The following PUM1 variants were observed in gnomAD, a reference collection of about 807,000 sequenced individuals.
The protein encoded by PUM1 is pumilio RNA binding family member 1.
Under a neutral mutation model 131.8 loss-of-function variants are expected in PUM1, and 13 were observed. The observed-to-expected ratio is 0.10, with a 90% CI of 0.06 to 0.16. The LOEUF is 0.16. PUM1 is among the 10% of genes least tolerant of loss of function. PUM1 has a pLI of 1.00. For synonymous variants in PUM1, 509 were observed against 556.5 expected (o/e 0.91, Z 1.20); for missense variants, 961 against 1,512.4 (o/e 0.64, Z 6.05).
intron 14 of PUM1, among the ~76,000 whole-genome samples, chr1:30,955,464 G>GAAA (rs201119840): frequency 8.2e-6 from 1 of 122,078 alleles, no homozygotes; most frequent in Non-Finnish European, 1.7e-5. Flanking sequence ...GACTCCATCT[G>GAAA]AAAAAAAAAA....
chr1:31,044,358 T>C (rs962236850), intron 2 of PUM1, among the ~76,000 whole-genome samples: 1 of 152,012 alleles, frequency 6.6e-6, no homozygotes, highest in Non-Finnish European at 1.5e-5. Context: ...GCTGAGATCG[T>C]GCCACTGCAC....
intron 3 of PUM1, among the ~76,000 whole-genome samples, chr1:31,023,788 G>A (rs1643120780): frequency 6.6e-6 from 1 of 152,010 alleles, no homozygotes; most frequent in Admixed American, 6.6e-5. Context: ...TTAGCTGGGT[G>A]TGTGGTGGTG....
intron 20 of PUM1, among the ~76,000 whole-genome samples, chr1:30,938,940 CAGACAGATAGACAGAT>C (rs1168018084): frequency 8.8e-6 from 1 of 114,104 alleles, no homozygotes; most frequent in Non-Finnish European, 1.9e-5. Flanking sequence ...GACAGACAGA[CAGACAGATAGACAGAT>C]AGACAGATAC....
At chr1:30,949,060 A>G (rs1465841593) in intron 17 of PUM1, 1 of 452,454 alleles carries the variant, frequency 2.2e-6, no homozygotes, top group Non-Finnish European at 4.5e-6. Flanking sequence ...GCCACTGCCA[A>G]CACCAGTGCA....
intron 2 of PUM1, among the ~76,000 whole-genome samples, chr1:31,044,206 CCTGG>C (rs1310697878): frequency 6.6e-6 from 1 of 152,022 alleles, no homozygotes; most frequent in African/African-American, 2.4e-5. Context: ...TCGAGACCAT[CCTGG>C]CTAACACTGT....
chr1:30,990,915 G>A (rs1641762781), intron 7 of PUM1, among the ~76,000 whole-genome samples: 1 of 152,184 alleles, frequency 6.6e-6, no homozygotes, highest in Non-Finnish European at 1.5e-5. Context: ...TAGCTATGAT[G>A]TAATCATGCT....
rs200492434 is a variant in PUM1, at chr1:31,038,958, T to TTATATATATATATATATATA, written c.364-10114_364-10095dup. ...TAGCCATTTAAAATGTTTTAAAATT[T>TTATATATATATATATATATA]TATATATATATATATATATATATAT... On this transcript the variant is annotated intron_variant, in intron 2 of 21. Transcript: ENST00000426105. 2.7e-4 allele frequency among the ~76,000 whole-genome samples: 12 copies of TTATATATATATATATATATA among 43,960 alleles called. 1 individual carries two copies. Among genetic ancestry groups the TTATATATATATATATATATA allele is most frequent in the African/African-American group, 6.9e-4 (4 of 5,786 alleles). The allele number at this position is 43,960 out of a possible 152,430, so 28.8% of individuals were successfully genotyped here. A position where few individuals can be genotyped will look rare whatever the true frequency, so the allele number is the denominator to read the frequency against.
chr1:30,968,970 T>C (rs1640744553), intron 10 of PUM1, among the ~76,000 whole-genome samples: 2 of 151,972 alleles, frequency 1.3e-5, no homozygotes, highest in African/African-American at 2.4e-5. Flanking sequence ...CCATACTATA[T>C]AATGTCAGTG....
chr1:30,991,601 A>G (rs2124484789), intron 7 of PUM1, among the ~76,000 whole-genome samples: 1 of 152,368 alleles, frequency 6.6e-6, no homozygotes, highest in South Asian at 2.1e-4. Flanking sequence ...CAAAACTACT[A>G]AAGAGTAACA....
intron 17 of PUM1, chr1:30,949,240 T>G (rs1476172130): frequency 2.6e-6 from 1 of 381,252 alleles, no homozygotes; most frequent in South Asian, 1.9e-5. Context: ...AAGGGCTCAG[T>G]GAGTTCAGAG....
intron 5 of PUM1, among the ~76,000 whole-genome samples, chr1:30,999,419 C>T (rs571818582): frequency 8.6e-5 from 13 of 151,934 alleles, no homozygotes; most frequent in African/African-American, 3.1e-4. Flanking sequence ...CCAGCCTGGC[C>T]AACAAGGTGA....
chr1:30,949,783 G>T (rs1639852026), intron 17 of PUM1, among the ~76,000 whole-genome samples: 1 of 152,160 alleles, frequency 6.6e-6, no homozygotes, highest in South Asian at 2.1e-4. Flanking sequence ...AATATGGAAG[G>T]TGGGTTGGAT....
chr1:30,979,007 C>T (rs1331709908), intron 9 of PUM1, among the ~76,000 whole-genome samples: 1 of 151,376 alleles, frequency 6.6e-6, no homozygotes, highest in Non-Finnish European at 1.5e-5. Flanking sequence ...AGGAGGCTGA[C>T]GCAGGAGAAT....
chr1:30,951,317 CAA>C (rs1639925057), intron 16 of PUM1, among the ~76,000 whole-genome samples: 1 of 152,196 alleles, frequency 6.6e-6, no homozygotes, highest in Middle Eastern at 3.4e-3. Context: ...ATCAAAAATA[CAA>C]AAGTCATGTT....
At chr1:30,981,451 C>T in intron 7 of PUM1, 46 bp from the exon 8 acceptor site, 2 of 1,276,750 alleles carry the variant, frequency 1.6e-6, no homozygotes, top group Non-Finnish European at 2.2e-6. Flanking sequence ...AACTGTCTTA[C>T]AAAATCATTT....
In PUM1 at chr1:30,981,236, T is replaced by C; in HGVS notation, c.1252+76A>G. On this transcript the variant is annotated intron_variant, in intron 8 of 21. Transcript: ENST00000426105. ...AACTTTTATAATCAGTTTAAATTAC[T>C]GGGTTTCACAGCAACCAGTTATCCT... The C allele has an allele frequency of 1.1e-6, 1 of 901,138 alleles. No homozygotes were observed. Among genetic ancestry groups the C allele is most frequent in the Non-Finnish European group, 1.7e-6 (1 of 594,496 alleles). The allele number at this position is 901,138 out of a possible 1,614,324, so 55.8% of individuals were successfully genotyped here. A position where few individuals can be genotyped will look rare whatever the true frequency, so the allele number is the denominator to read the frequency against.
intron 20 of PUM1, 42 bp from the exon 21 acceptor site, chr1:30,936,877 C>CTCACTTA (rs1324185464): frequency 1.3e-6 from 2 of 1,502,898 alleles, no homozygotes; most frequent in Non-Finnish European, 1.8e-6. Flanking sequence ...ACAAGAGAGG[C>CTCACTTA]CCCTGTTAGT....
At chr1:30,957,441 AACC>A (rs1352745616) in intron 14 of PUM1, among the ~76,000 whole-genome samples, 1 of 152,102 alleles carries the variant, frequency 6.6e-6, no homozygotes, top group Non-Finnish European at 1.5e-5. Context: ...CTTGCACCCA[AACC>A]ACTATAGCTC....
chr1:31,026,892 T>C (rs906265242), intron 3 of PUM1, among the ~76,000 whole-genome samples: 1 of 151,818 alleles, frequency 6.6e-6, no homozygotes, highest in Non-Finnish European at 1.5e-5. Flanking sequence ...TATACTGTTT[T>C]GTTATTAACA....
Sources: gnomAD v4.1 joint callset for allele counts (sites outside exome capture counted in the v4.1 genomes callset) on GRCh38, gnomAD v4.1.1 for gene constraint, MANE v1.5 for transcripts, NCBI Gene and HGNC (gene_info 2026-07-23, HGNC 2026-07-21) for gene names.